The following ALG9 variants were observed in gnomAD, a reference collection of about 807,000 sequenced individuals.
The protein encoded by ALG9 is alpha-1,2-mannosyltransferase ALG9.
In ALG9, 55 loss-of-function variants were observed where a neutral mutation model predicts 81.8. The observed-to-expected ratio is 0.67, with a 90% CI of 0.54 to 0.84. The LOEUF (loss-of-function observed/expected upper bound fraction) is 0.84. Among genes scored for constraint, ALG9 ranks in the 40% least tolerant of loss-of-function variants. The probability of loss-of-function intolerance (pLI) is 0.00; values close to 1 mark genes in which losing one functional copy is unlikely to be tolerated. For missense variants in ALG9, 629 were observed against 745.0 expected, an observed-to-expected ratio of 0.84 and a Z score of 1.81; for synonymous variants, 278 against 274.3, an observed-to-expected ratio of 1.01 and a Z score of -0.13.
rs1473066654 is a variant in ALG9 at position 111,845,913 on chromosome 11, AAAGTTC to A, written c.896-1196_896-1191del. 1.3e-5 allele frequency among the ~76,000 whole-genome samples: 2 copies of A among 152,226 alleles called. 1 individual carries two copies. The highest frequency in any genetic ancestry group is 2.9e-5 in the Non-Finnish European group (2 of 68,030). On this transcript the variant is annotated intron_variant, in intron 8 of 14. Coordinates refer to ENST00000616540, the MANE Select transcript of ALG9 (RefSeq NM_024740.2). ...AGAGGGAGGGAGGTTACACTAAGGAAAAGTTCAAGTTCAACTGTGCGTCACCTTTGG... is the reference window on the plus strand; with the variant it reads ...AGAGGGAGGGAGGTTACACTAAGGAAAAGTTCAACTGTGCGTCACCTTTGG...
chr11:111,841,675 A>G (rs375237963), intron 9 of ALG9, among the ~76,000 whole-genome samples: 7 of 152,312 alleles, frequency 4.6e-5, no homozygotes, highest in African/African-American at 7.2e-5. Flanking sequence ...GTTAACAGTA[A>G]GCCAGTTTAC....
chr11:111,822,149 G>A (rs973833527), intron 13 of ALG9, among the ~76,000 whole-genome samples: 1 of 152,182 alleles, frequency 6.6e-6, no homozygotes, highest in Non-Finnish European at 1.5e-5. Context: ...GCTCAAACCT[G>A]TAAACCTAGC....
intron 13 of ALG9, among the ~76,000 whole-genome samples, chr11:111,823,987 G>T (rs2136626413): frequency 6.6e-6 from 1 of 152,294 alleles, no homozygotes; most frequent in South Asian, 2.1e-4. Flanking sequence ...CCAGGATGGT[G>T]GTACTGCAAC....
chr11:111,827,265 T>A (rs1451859009), intron 13 of ALG9, among the ~76,000 whole-genome samples: 2 of 151,900 alleles, frequency 1.3e-5, no homozygotes, highest in African/African-American at 4.8e-5. Context: ...GCAACTGAGG[T>A]CGGGAGTTTG....
Position 111,785,575 on chromosome 11 carries a change from G to T in ALG9, c.*822C>A, listed in dbSNP as rs1430666551. The T allele has an allele frequency of 6.5e-6, 1 of 154,648 alleles. No homozygotes were observed. The highest frequency in any genetic ancestry group is 1.4e-5 in the Non-Finnish European group (1 of 69,688). The allele number at this position is 154,648 out of a possible 1,614,324, so 9.6% of individuals were successfully genotyped here. A position where few individuals can be genotyped will look rare whatever the true frequency, so the allele number is the denominator to read the frequency against. ...CTTAAAAATGTGATGTCATCCAAAT[G>T]TATCAATTGATAGAATTTTCTCCAA... On this transcript the variant is annotated 3_prime_UTR_variant, in exon 15 of 15. Transcript: ENST00000616540.
At chr11:111,827,569 T>C (rs1953562340) in intron 13 of ALG9, among the ~76,000 whole-genome samples, 1 of 152,014 alleles carries the variant, frequency 6.6e-6, no homozygotes, top group Admixed American at 6.6e-5. Flanking sequence ...TAACAGTGAT[T>C]AAGAACAAAA....
At chr11:111,820,827 A>G (rs1029514014) in intron 13 of ALG9, among the ~76,000 whole-genome samples, 3 of 148,004 alleles carry the variant, frequency 2.0e-5, no homozygotes, top group Non-Finnish European at 4.5e-5. Flanking sequence ...TCACACCTGT[A>G]ATCCTTTGGG....
intron 5 of ALG9, among the ~76,000 whole-genome samples, chr11:111,858,225 G>A (rs782401022): frequency 3.7e-4 from 57 of 152,082 alleles, no homozygotes; most frequent in Admixed American, 3.5e-3. Flanking sequence ...GTGAACCACC[G>A]CACCTGGCCT....
chr11:111,868,840 G>T, intron 2 of ALG9, 104 bp from the exon 3 acceptor site: 1 of 1,265,076 alleles, frequency 7.9e-7, no homozygotes, highest in Non-Finnish European at 1.1e-6. Flanking sequence ...ACAAAGGCAA[G>T]CCAGGCACGA....
chr11:111,853,602 G>A, intron 7 of ALG9, 47 bp downstream of exon 7: 1 of 1,589,844 alleles, frequency 6.3e-7, no homozygotes, highest in Non-Finnish European at 8.6e-7. Context: ...CATCAAAGTT[G>A]CTTTCATTAC....
At chr11:111,802,384 AAC>A (rs1949259151) in intron 14 of ALG9, among the ~76,000 whole-genome samples, 1 of 152,228 alleles carries the variant, frequency 6.6e-6, no homozygotes, top group Admixed American at 6.5e-5. Context: ...TAAATGCTAT[AAC>A]ATGAATGAAC....
At chr11:111,836,988 C>T (rs1271212750) in intron 12 of ALG9, among the ~76,000 whole-genome samples, 1 of 152,186 alleles carries the variant, frequency 6.6e-6, no homozygotes, top group Non-Finnish European at 1.5e-5. Flanking sequence ...GCTCTCAGAA[C>T]CACAGAAAGC....
intron 14 of ALG9, among the ~76,000 whole-genome samples, chr11:111,793,533 G>A (rs551057050): frequency 5.3e-5 from 8 of 151,994 alleles, no homozygotes; most frequent in Non-Finnish European, 7.4e-5. Flanking sequence ...AGGCCGAGGC[G>A]GGCGGATCAC....
intron 13 of ALG9, among the ~76,000 whole-genome samples, chr11:111,833,600 T>C (rs1954750584): frequency 6.6e-6 from 1 of 152,202 alleles, no homozygotes; most frequent in African/African-American, 2.4e-5. Context: ...AGCCAAAGGC[T>C]GGCTAAAACC....
chr11:111,797,407 T>G (rs527821852), intron 14 of ALG9, among the ~76,000 whole-genome samples: 1 of 152,350 alleles, frequency 6.6e-6, no homozygotes, highest in Admixed American at 6.5e-5. Flanking sequence ...TCCAGACATA[T>G]GAGTGAGAAA....
intron 10 of ALG9, 66 bp downstream of exon 10, chr11:111,840,587 TAA>T (rs1226511988): frequency 6.3e-7 from 1 of 1,584,548 alleles, no homozygotes; most frequent in Non-Finnish European, 8.7e-7. Flanking sequence ...AATTTGCACT[TAA>T]GTTTGTGAGC....
intron 8 of ALG9, among the ~76,000 whole-genome samples, chr11:111,850,724 A>AAAAAAAAT (rs71057091): frequency 6.9e-6 from 1 of 143,946 alleles, no homozygotes; most frequent in Non-Finnish European, 1.5e-5. Flanking sequence ...AAAAAAAAAA[A>AAAAAAAAT]TCAGACAAAA....
chr11:111,835,465 AAC>A (rs1955081558), intron 13 of ALG9, among the ~76,000 whole-genome samples: 1 of 152,192 alleles, frequency 6.6e-6, no homozygotes, highest in African/African-American at 2.4e-5. Context: ...TCAGTATGGA[AAC>A]AGTCTTTACT....
intron 8 of ALG9, among the ~76,000 whole-genome samples, chr11:111,846,910 T>C (rs540399398): frequency 3.3e-5 from 5 of 152,308 alleles, no homozygotes; most frequent in African/African-American, 1.2e-4. Context: ...GCAAGATGTT[T>C]AGGTGAAGGA....
Sources: gnomAD v4.1 joint callset for allele counts (sites outside exome capture counted in the v4.1 genomes callset) on GRCh38, gnomAD v4.1.1 for gene constraint, MANE v1.5 for transcripts, NCBI Gene and HGNC (gene_info 2026-07-23, HGNC 2026-07-21) for gene names.